Variants in ALOX5 observed in about 807,000 individuals in gnomAD.
ALOX5 encodes arachidonate 5-lipoxygenase.
ALOX5 carries 64 observed loss-of-function variants against 87.9 expected under a neutral mutation model. That is an observed-to-expected ratio of 0.73 (90% confidence interval 0.60 to 0.90). ALOX5 has a LOEUF of 0.90. Ranked by LOEUF, ALOX5 falls within the 40% of genes least tolerant of loss-of-function variation. The pLI, the probability that ALOX5 is intolerant of heterozygous loss-of-function variation, is 0.00. For synonymous variants in ALOX5, 388 were observed against 355.1 expected (o/e 1.09, Z -1.04); for missense variants, 822 against 907.5 (o/e 0.91, Z 1.21).
In ALOX5 at chr10:45,440,422, T is replaced by C. The variant is rs111859727; in HGVS notation, c.982-8T>C. On this transcript the variant is annotated splice_polypyrimidine_tract_variant and splice_region_variant and intron_variant, in intron 7 of 13. Transcript: ENST00000374391. ...TAGCAGTGTGTTTCCTTTCCCCCAA[T>C]GTATCAGCTCAACCAAATCCCGGGA... 19 of 1,613,366 alleles carry C rather than the reference T, an allele frequency of 1.2e-5. No homozygotes were observed. The highest frequency in any genetic ancestry group is 1.5e-5 in the Non-Finnish European group (18 of 1,179,444).
intron 12 of ALOX5, 66 bp downstream of exon 12, chr10:45,443,894 G>A (rs1322013300): frequency 2.0e-6 from 3 of 1,514,398 alleles, no homozygotes; most frequent in Non-Finnish European, 2.7e-6. Context: ...CCCCCGCCCC[G>A]GTTCTGCACG....
chr10:45,443,192 T>A lies in ALOX5; in HGVS notation c.1427T>A (p.Leu476His), dbSNP rs373272108. Residue 476 changes from leucine to histidine, a missense_variant, in exon 10 of 14, where the codon CTC (leucine) becomes CAC (histidine). Physicochemically the swap from Leu to His is moderately conservative, Grantham distance 99. Transcript: ENST00000374391. ...TACTACTTCTACCGGGACGACGGGC[T>A]CCTGGTGTGGGAAGCCATCAGGACG... is the stretch of plus-strand genomic sequence containing the variant. ...IPYYFYRDDGLLVWEAIRTFT... is the reference protein window; with the variant it reads ...IPYYFYRDDGHLVWEAIRTFT... 39 of 1,613,484 alleles carry A rather than the reference T, an allele frequency of 2.4e-5. No homozygotes were observed. The highest frequency in any genetic ancestry group is 1.3e-4 in the Admixed American group (8 of 59,994).
Position 45,445,893 on chromosome 10 carries a change from G to A in ALOX5, c.*206G>A, listed in dbSNP as rs1478287730. 3.5e-6 allele frequency: 2 copies of A among 569,628 alleles called. No homozygotes were observed. The highest frequency in any genetic ancestry group is 6.0e-6 in the Non-Finnish European group (2 of 330,608). The allele number at this position is 569,628 out of a possible 1,614,324, so 35.3% of individuals were successfully genotyped here. On this transcript the variant is annotated 3_prime_UTR_variant, in exon 14 of 14. Transcript: ENST00000374391. ...TAGGGACCCATTCTACACAGAGCAG[G>A]ACTGCACAGCGTCCTGTCCACACCC...
In ALOX5 at chr10:45,427,506, C is replaced by T. The variant is rs150551647; in HGVS notation, c.835-1112C>T. Among the ~76,000 whole-genome samples the T allele has an allele frequency of 5.7e-3, 874 of 152,368 alleles. 4 individuals carry two copies. The highest frequency in any genetic ancestry group is 0.028 in the South Asian group (136 of 4,828). Reference sequence around the variant, plus strand: ...CGGTGGCCAGGCTCCGAGCTCCTGCCGTCCTGGGTGGGTGGCTTCTGTCCT... The same window carrying T: ...CGGTGGCCAGGCTCCGAGCTCCTGCTGTCCTGGGTGGGTGGCTTCTGTCCT... On this transcript the variant is annotated intron_variant, in intron 6 of 13. Transcript: ENST00000374391.
In ALOX5 at chr10:45,382,608, C is replaced by T. The variant is rs781529692; in HGVS notation, c.276C>T (p.His92=). 16 of 1,614,004 alleles carry T rather than the reference C, an allele frequency of 9.9e-6. No homozygotes were observed. The highest frequency in any genetic ancestry group is 3.3e-5 in the Admixed American group (2 of 59,988). Residue 92 remains histidine, a synonymous_variant, in exon 2 of 14, where the codon CAC becomes CAT. Transcript: ENST00000374391. Reference sequence around the variant, plus strand: ...AGTACATCACGCTGAAGACGCCCCACGGGGACTACATCGAGTTCCCCTGCT... The same window carrying T: ...AGTACATCACGCTGAAGACGCCCCATGGGGACTACATCGAGTTCCCCTGCT... The part of the protein sequence containing the change: ...YLKYITLKTP[H]GDYIEFPCYR...
intron 2 of ALOX5, among the ~76,000 whole-genome samples, chr10:45,393,919 A>G (rs916614690): frequency 6.6e-6 from 1 of 152,244 alleles, no homozygotes; most frequent in African/African-American, 2.4e-5. Context: ...GACCTCTTCA[A>G]GGAGAACTAC....
intron 2 of ALOX5, among the ~76,000 whole-genome samples, chr10:45,389,304 C>T (rs1298059379): frequency 2.6e-5 from 4 of 152,140 alleles, no homozygotes; most frequent in Non-Finnish European, 5.9e-5. Flanking sequence ...CTCACCCTAG[C>T]AAGGCAGGCC....
intron 2 of ALOX5, 54 bp from the exon 3 acceptor site, chr10:45,395,801 G>C: frequency 6.6e-7 from 1 of 1,518,210 alleles, no homozygotes; most frequent in Non-Finnish European, 9.1e-7. Flanking sequence ...ACTTGGCATT[G>C]GGCATTGTTA....
At chr10:45,419,413 C>A (rs540990303) in intron 4 of ALOX5, among the ~76,000 whole-genome samples, 3 of 151,794 alleles carry the variant, frequency 2.0e-5, no homozygotes, top group South Asian at 2.1e-4. Context: ...GAGAAGCTGA[C>A]GAGTGACTCC....
At chr10:45,390,050 G>C (rs1840157068) in intron 2 of ALOX5, among the ~76,000 whole-genome samples, 1 of 152,138 alleles carries the variant, frequency 6.6e-6, no homozygotes, top group African/African-American at 2.4e-5. Flanking sequence ...CCTAGTCTCT[G>C]ATAAAACAGA....
chr10:45,424,940 C>T lies in ALOX5; in HGVS notation c.662-20C>T. The T allele has an allele frequency of 6.2e-7, 1 of 1,613,488 alleles. No individual in the cohort carries two copies. Among genetic ancestry groups the T allele is most frequent in the Non-Finnish European group, 8.5e-7 (1 of 1,179,572 alleles). On this transcript the variant is annotated intron_variant, in intron 5 of 13. Coordinates refer to ENST00000374391, the MANE Select transcript of ALOX5 (RefSeq NM_000698.5). Reference sequence around the variant, plus strand: ...CCCTCTACTCAGAGCTCAGGGTGGGCCTCGCTTTTCTCCTGGTAGAGCGGG... The same window carrying T: ...CCCTCTACTCAGAGCTCAGGGTGGGTCTCGCTTTTCTCCTGGTAGAGCGGG...
At chr10:45,433,463 C>A (rs7099874) in intron 7 of ALOX5, among the ~76,000 whole-genome samples, 4 of 152,084 alleles carry the variant, frequency 2.6e-5, no homozygotes, top group African/African-American at 9.7e-5. Context: ...ATATAATCTA[C>A]GAGAACACAA....
At chr10:45,392,011 G>C (rs1031002955) in intron 2 of ALOX5, among the ~76,000 whole-genome samples, 1 of 151,034 alleles carries the variant, frequency 6.6e-6, no homozygotes, top group Non-Finnish European at 1.5e-5. Flanking sequence ...CCCCCCGCCC[G>C]GCCAGCCGCC....
intron 7 of ALOX5, among the ~76,000 whole-genome samples, chr10:45,435,760 T>C (rs1380126489): frequency 6.6e-6 from 1 of 152,248 alleles, no homozygotes; most frequent in Non-Finnish European, 1.5e-5. Context: ...CTATGTCCTT[T>C]TGGTAAAACA....
chr10:45,423,681 C>T (rs1423094538), intron 4 of ALOX5, among the ~76,000 whole-genome samples: 3 of 152,198 alleles, frequency 2.0e-5, no homozygotes, highest in African/African-American at 7.2e-5. Flanking sequence ...AAAAGCCAGG[C>T]AACACGGTAG....
At chr10:45,443,352 G>C in intron 10 of ALOX5, 64 bp from the exon 11 acceptor site, 3 of 1,591,936 alleles carry the variant, frequency 1.9e-6, no homozygotes, top group Non-Finnish European at 2.6e-6. Flanking sequence ...TGAGGGGGTT[G>C]CCGCCGGGCA....
intron 1 of ALOX5, among the ~76,000 whole-genome samples, chr10:45,379,685 G>A (rs116500932): frequency 0.027 from 4,162 of 152,288 alleles, 211 homozygotes; most frequent in African/African-American, 0.095. Flanking sequence ...GCACACAACC[G>A]GTGGCCTGTG....
intron 2 of ALOX5, among the ~76,000 whole-genome samples, chr10:45,394,675 A>G (rs1003545986): frequency 2.8e-4 from 43 of 152,370 alleles, no homozygotes; most frequent in African/African-American, 1.0e-3. Context: ...GGCAACCTAC[A>G]GAATGGGAAA....
intron 4 of ALOX5, among the ~76,000 whole-genome samples, chr10:45,419,575 C>T (rs1294650483): frequency 6.6e-6 from 1 of 152,234 alleles, no homozygotes; most frequent in East Asian, 1.9e-4. Context: ...ATGGCAGCGT[C>T]CTGAAGGGGG....
Sources: allele counts gnomAD v4.1 joint callset (sites outside exome capture counted in the v4.1 genomes callset), GRCh38; gene constraint gnomAD v4.1.1; transcripts MANE v1.5; gene names NCBI Gene and HGNC (gene_info 2026-07-23, HGNC 2026-07-21).